Variants in WWOX observed in about 807,000 individuals in gnomAD.
The protein encoded by WWOX is WW domain-containing oxidoreductase.
Under a neutral mutation model 46.2 loss-of-function variants are expected in WWOX, and 69 were observed. The ratio of observed to expected loss-of-function variants is 1.49; its 90% CI spans 1.23 to 1.82. WWOX has a LOEUF of 1.82. Among genes scored for constraint, WWOX ranks in the 40% most tolerant of loss-of-function variants. WWOX has a pLI of 0.00. For synonymous variants in WWOX, 359 were observed against 202.6 expected (o/e 1.77, Z -6.56); for missense variants, 919 against 542.6 (o/e 1.69, Z -6.89).
At chr16:78,850,498 G>A (rs922032847) in intron 8 of WWOX, among the ~76,000 whole-genome samples, 14 of 152,220 alleles carry the variant, frequency 9.2e-5, no homozygotes, top group African/African-American at 1.9e-4. Context: ...AATTTATACC[G>A]TTTATAGTTT....
chr16:78,332,095 G>A (rs1388944692), intron 5 of WWOX, among the ~76,000 whole-genome samples: 2 of 152,146 alleles, frequency 1.3e-5, no homozygotes, highest in Non-Finnish European at 2.9e-5. Flanking sequence ...CCTGGGCCAT[G>A]AAAGACAACT....
chr16:78,506,665 T>C (rs571195941), intron 8 of WWOX: 2 of 151,290 alleles, frequency 1.3e-5, no homozygotes, highest in East Asian at 3.9e-4. Flanking sequence ...TTGAGTTCTT[T>C]TCAGGCTCAA....
rs540473639 is a variant in WWOX at position 78,881,080 on chromosome 16, C to T, written c.1057-330528C>T. ...GATCACGGCTCACTGCAACCTTTGC[C>T]TCCTGGGCGCAAGTGATCCTCCTAC... On this transcript the variant is annotated intron_variant, in intron 8 of 8. Transcript: ENST00000566780. 6.4e-4 allele frequency among the ~76,000 whole-genome samples: 97 copies of T among 150,914 alleles called. 1 individual carries two copies. Among genetic ancestry groups the T allele is most frequent in the Admixed American group, 5.8e-3 (88 of 15,106 alleles).
intron 8 of WWOX, among the ~76,000 whole-genome samples, chr16:79,158,817 T>G (rs2050431220): frequency 6.6e-6 from 1 of 152,252 alleles, no homozygotes; most frequent in Non-Finnish European, 1.5e-5. Flanking sequence ...TTTTGTTGTT[T>G]ATTCATTTGC....
At chr16:78,684,107 A>T (rs1365463902) in intron 8 of WWOX, among the ~76,000 whole-genome samples, 1 of 152,146 alleles carries the variant, frequency 6.6e-6, no homozygotes, top group African/African-American at 2.4e-5. Flanking sequence ...AGTTCAACTC[A>T]ACCTCATGGC....
intron 8 of WWOX, among the ~76,000 whole-genome samples, chr16:78,817,610 C>A (rs1408149720): frequency 1.3e-5 from 2 of 152,168 alleles, no homozygotes; most frequent in Non-Finnish European, 2.9e-5. Context: ...CTAATTATGT[C>A]AACAAGTAGT....
rs546641791 is a variant in WWOX, at chr16:79,055,859, C to G, written c.1057-155749C>G. Among the ~76,000 whole-genome samples, 83 of 152,094 alleles carry G rather than the reference C, an allele frequency of 5.5e-4. 1 individual carries two copies. Among genetic ancestry groups the G allele is most frequent in the Non-Finnish European group, 1.0e-3 (70 of 68,012 alleles). On this transcript the variant is annotated intron_variant, in intron 8 of 8. Coordinates refer to ENST00000566780, the MANE Select transcript of WWOX (RefSeq NM_016373.4). Reference sequence around the variant, plus strand: ...AGGCTTGTAGATGTTGAGGACTAAGCTTTGCTCTTTATCTTCTCTTTATGG... The same window carrying G: ...AGGCTTGTAGATGTTGAGGACTAAGGTTTGCTCTTTATCTTCTCTTTATGG...
intron 8 of WWOX, among the ~76,000 whole-genome samples, chr16:78,615,534 G>C (rs2046001905): frequency 6.6e-6 from 1 of 151,978 alleles, no homozygotes; most frequent in African/African-American, 2.4e-5. Flanking sequence ...TCTAGTCTCA[G>C]CTGCTTGGGA....
intron 6 of WWOX, among the ~76,000 whole-genome samples, chr16:78,422,660 C>CATATATATATATATATATAT (rs1388283094): frequency 3.1e-4 from 2 of 6,532 alleles, no homozygotes; most frequent in Non-Finnish European, 1.2e-3. Flanking sequence ...GTTTTTTTTA[C>CATATATATATATATATATAT]ATGTATATAT....
chr16:78,269,914 G>GTT lies in WWOX; in HGVS notation c.516+105642_516+105643dup, dbSNP rs71137883. 5.7e-4 allele frequency among the ~76,000 whole-genome samples: 71 copies of GTT among 125,642 alleles called. 1 individual carries two copies. Among genetic ancestry groups the GTT allele is most frequent in the Middle Eastern group, 4.7e-3 (1 of 212 alleles). The allele number at this position is 125,642 out of a possible 152,430, so 82.4% of individuals were successfully genotyped here. A position where few individuals can be genotyped will look rare whatever the true frequency, so the allele number is the denominator to read the frequency against. Reference sequence around the variant, plus strand: ...AGGAAACATATCTATACATAAGGAAGTTTTTTTTTTTTTTTTTTACTTTCA... The same window carrying GTT: ...AGGAAACATATCTATACATAAGGAAGTTTTTTTTTTTTTTTTTTTTACTTTCA... On this transcript the variant is annotated intron_variant, in intron 5 of 8. Coordinates refer to ENST00000566780, the MANE Select transcript of WWOX (RefSeq NM_016373.4).
chr16:79,174,981 A>G (rs1467978969), intron 8 of WWOX, among the ~76,000 whole-genome samples: 4 of 152,280 alleles, frequency 2.6e-5, no homozygotes, highest in Non-Finnish European at 5.9e-5. Flanking sequence ...TCTTATATCA[A>G]CATGCACGCG....
intron 8 of WWOX, among the ~76,000 whole-genome samples, chr16:78,744,573 A>G (rs1269082184): frequency 6.6e-6 from 1 of 151,824 alleles, no homozygotes. Context: ...CTGGGATTAC[A>G]GGCACCTGCC....
intron 8 of WWOX, among the ~76,000 whole-genome samples, chr16:79,103,238 C>T (rs543711184): frequency 2.6e-5 from 4 of 152,264 alleles, no homozygotes; most frequent in East Asian, 3.9e-4. Flanking sequence ...AGCTGGACTC[C>T]GTGTTTGAAA....
chr16:78,232,038 TG>T (rs1440358104), intron 5 of WWOX, among the ~76,000 whole-genome samples: 4 of 152,186 alleles, frequency 2.6e-5, no homozygotes, highest in African/African-American at 9.7e-5. Context: ...TTTTTATCAT[TG>T]TCTTTGCAGT....
intron 8 of WWOX, among the ~76,000 whole-genome samples, chr16:78,864,797 C>G (rs931892247): frequency 2.6e-5 from 3 of 116,162 alleles, no homozygotes; most frequent in African/African-American, 1.0e-4. Flanking sequence ...CAGTCTCACT[C>G]TATTGCCCAG....
chr16:78,961,739 C>A (rs549430644), intron 8 of WWOX, among the ~76,000 whole-genome samples: 28 of 152,222 alleles, frequency 1.8e-4, no homozygotes, highest in Middle Eastern at 3.4e-3. Context: ...TTCAGTAAGT[C>A]TGAGGAGGAA....
At chr16:78,511,316 C>T (rs545685749) in intron 8 of WWOX, among the ~76,000 whole-genome samples, 8 of 152,296 alleles carry the variant, frequency 5.3e-5, no homozygotes, top group East Asian at 3.9e-4. Context: ...GGGATGCCTT[C>T]GGTCCAGACA....
intron 8 of WWOX, among the ~76,000 whole-genome samples, chr16:78,863,392 C>T (rs2043934936): frequency 6.6e-6 from 1 of 152,140 alleles, no homozygotes; most frequent in Non-Finnish European, 1.5e-5. Context: ...GATGAATGGA[C>T]CCTGAGTATC....
intron 8 of WWOX, among the ~76,000 whole-genome samples, chr16:78,578,202 C>T (rs1304183060): frequency 7.5e-6 from 1 of 132,694 alleles, no homozygotes; most frequent in African/African-American, 2.8e-5. Context: ...CTGGATTAGT[C>T]TCTTGCCTTT....
Sources: allele counts gnomAD v4.1 joint callset (sites outside exome capture counted in the v4.1 genomes callset), GRCh38; gene constraint gnomAD v4.1.1; transcripts MANE v1.5; gene names NCBI Gene and HGNC (gene_info 2026-07-23, HGNC 2026-07-21).